TRPM8: variants seen among roughly 807,000 people sequenced by gnomAD.
The protein encoded by TRPM8 is transient receptor potential cation channel subfamily M member 8.
In TRPM8, 110 loss-of-function variants were observed where a neutral mutation model predicts 133.7. The observed-to-expected ratio is 0.82, with a 90% CI of 0.70 to 0.96. The LOEUF (loss-of-function observed/expected upper bound fraction) is 0.96, where lower values mean the gene tolerates loss of function less well. Among genes scored for constraint, TRPM8 ranks in the 40% least tolerant of loss-of-function variants. TRPM8 has a pLI of 0.00. For synonymous variants in TRPM8, 535 were observed against 532.3 expected, an observed-to-expected ratio of 1.01 and a Z score of -0.07; for missense variants, 1,291 against 1,379.5, an observed-to-expected ratio of 0.94 and a Z score of 1.02.
chr2:233,956,562 T>C (rs13024825), intron 11 of TRPM8, among the ~76,000 whole-genome samples: 16,646 of 152,212 alleles, frequency 0.11, 1,767 homozygotes, highest in African/African-American at 0.28. Flanking sequence ...TATATGTAAT[T>C]TTATACATGT....
chr2:234,000,724 G>C (rs1201748036), intron 22 of TRPM8, among the ~76,000 whole-genome samples: 1 of 151,412 alleles, frequency 6.6e-6, no homozygotes, highest in Non-Finnish European at 1.5e-5. Flanking sequence ...TGTCCCCCAG[G>C]CTGGAGTGCA....
chr2:233,956,169 A>T (rs965711087), intron 11 of TRPM8, among the ~76,000 whole-genome samples: 13 of 152,276 alleles, frequency 8.5e-5, no homozygotes, highest in African/African-American at 3.1e-4. Context: ...TCATCCCAAG[A>T]CCATCCCCCC....
At chr2:233,953,100 T>C (rs1194678463) in intron 9 of TRPM8, among the ~76,000 whole-genome samples, 1 of 152,200 alleles carries the variant, frequency 6.6e-6, no homozygotes, top group Admixed American at 6.5e-5. Context: ...CTGGGTGCTT[T>C]GAACTAAGAC....
intron 20 of TRPM8, 58 bp downstream of exon 20, chr2:233,983,282 C>A: frequency 6.2e-7 from 1 of 1,600,872 alleles, no homozygotes; most frequent in Non-Finnish European, 8.6e-7. Flanking sequence ...CTCCCTGAAC[C>A]AACCCCCAGG....
chr2:233,934,620 G>A (rs1691753010), intron 3 of TRPM8, among the ~76,000 whole-genome samples: 1 of 152,236 alleles, frequency 6.6e-6, no homozygotes, highest in African/African-American at 2.4e-5. Flanking sequence ...AGCTGCTCAT[G>A]AGGATTGCTG....
At position 233,955,260 on chromosome 2, in the gene TRPM8, A is replaced by C. The variant is rs139003916; in HGVS notation, c.1362+10A>C. 1,131 of 1,605,814 alleles carry C rather than the reference A, an allele frequency of 7.0e-4. 8 individuals are homozygous for C. The African/African-American group carries it at 0.014, about 20-fold the overall frequency. ...TGACCGCCGATGGGAGGTAAGCACGAAGCTCTCCTGGGTTATTCCAGTGTT... is the reference window on the plus strand; with the variant it reads ...TGACCGCCGATGGGAGGTAAGCACGCAGCTCTCCTGGGTTATTCCAGTGTT... On this transcript the variant is annotated intron_variant, in intron 11 of 25. Transcript: ENST00000324695.
intron 21 of TRPM8, among the ~76,000 whole-genome samples, chr2:233,995,904 C>G (rs150818472): frequency 1.5e-3 from 234 of 152,144 alleles, no homozygotes; most frequent in Middle Eastern, 3.4e-3. Context: ...TTGATAAACA[C>G]TAACAAGCTG....
At chr2:233,947,453 A>C in intron 8 of TRPM8, 1 of 1,392,826 alleles carries the variant, frequency 7.2e-7, no homozygotes, top group Non-Finnish European at 9.5e-7. Flanking sequence ...TGTAACCGGC[A>C]TATATATTAG....
intron 6 of TRPM8, among the ~76,000 whole-genome samples, chr2:233,943,698 A>AC (rs935561258): frequency 6.6e-6 from 1 of 152,194 alleles, no homozygotes; most frequent in African/African-American, 2.4e-5. Flanking sequence ...TACAAGGTAG[A>AC]CATATGGGGT....
intron 14 of TRPM8, among the ~76,000 whole-genome samples, chr2:233,966,356 C>T (rs903198691): frequency 6.6e-6 from 1 of 152,134 alleles, no homozygotes; most frequent in Non-Finnish European, 1.5e-5. Flanking sequence ...TCCCTCTGTC[C>T]AATGCAGCTC....
Position 233,947,144 on chromosome 2 carries a change from G to C in TRPM8, c.931G>C (p.Glu311Gln). The change falls in exon 8 of 26, where the codon GAG becomes CAG. Residue 311 changes from glutamate (E) to glutamine (Q), a missense_variant. By Grantham distance (29) the Glu-to-Gln change is conservative (BLOSUM62 2). This residue lies in a region of TRPM8 where 963 missense variants were observed against 968.9 expected (regional missense o/e 0.99). Coordinates refer to ENST00000324695, the MANE Select transcript of TRPM8 (RefSeq NM_024080.5). ...GTGTTTTGCCCAAGGAGGTGGAAAA[G>C]AGACTTTGAAAGTGAGTCCTGATTT... ...IVCFAQGGGKETLKAINTSIK... is the reference protein window; with the variant it reads ...IVCFAQGGGKQTLKAINTSIK... 1.1e-5 allele frequency: 17 copies of C among 1,614,120 alleles called. No homozygotes were observed. Among genetic ancestry groups the C allele is most frequent in the Non-Finnish European group, 1.4e-5 (17 of 1,179,954 alleles).
In TRPM8 at chr2:233,945,865, T is replaced by G; in HGVS notation, c.709T>G (p.Leu237Val). Reference sequence around the variant, plus strand: ...TCCCTGTACTTTTCAGGGCTATTTTTTAGCCCAGTACCTTATGGATGACTT... The same window carrying G: ...TCCCTGTACTTTTCAGGGCTATTTTGTAGCCCAGTACCTTATGGATGACTT... ...IRNCDAEGYFLAQYLMDDFTR... is the reference protein window; with the variant it reads ...IRNCDAEGYFVAQYLMDDFTR... Residue 237 changes from leucine to valine, a missense_variant, in exon 7 of 26, where the codon TTA becomes GTA. Around this residue, in one of 2 missense-constraint regions of TRPM8, gnomAD observed 963 missense variants for 968.9 expected, o/e 0.99. Coordinates refer to ENST00000324695, the MANE Select transcript of TRPM8 (RefSeq NM_024080.5). 6.2e-7 allele frequency: 1 copy of G among 1,609,830 alleles called. No individual in the cohort carries two copies. The highest frequency in any genetic ancestry group is 1.1e-5 in the South Asian group (1 of 90,420).
chr2:233,982,032 T>C (rs1692023667), intron 19 of TRPM8, 117 bp downstream of exon 19: 1 of 1,162,000 alleles, frequency 8.6e-7, no homozygotes, highest in Non-Finnish European at 1.2e-6. Flanking sequence ...ATCAGTAACA[T>C]TCGCTTTCTT....
intron 11 of TRPM8, 171 bp downstream of exon 11, chr2:233,955,421 A>G: frequency 1.8e-6 from 1 of 560,382 alleles, no homozygotes; most frequent in South Asian, 2.4e-5. Context: ...GCATGGAATC[A>G]TAACATTGAC....
At chr2:233,953,420 C>G (rs1468208428) in intron 9 of TRPM8, among the ~76,000 whole-genome samples, 1 of 152,192 alleles carries the variant, frequency 6.6e-6, no homozygotes, top group Non-Finnish European at 1.5e-5. Flanking sequence ...TTTAAAACGT[C>G]TTAAAATTAA....
chr2:233,955,499 T>G (rs1691272256), intron 11 of TRPM8: 1 of 297,578 alleles, frequency 3.4e-6, no homozygotes, highest in Non-Finnish European at 6.3e-6. Flanking sequence ...CCACATTGCC[T>G]TCAGCTGCAA....
At chr2:233,942,408 C>T (rs954194983) in intron 5 of TRPM8, among the ~76,000 whole-genome samples, 168 bp from the exon 6 acceptor site, 1 of 152,150 alleles carries the variant, frequency 6.6e-6, no homozygotes, top group Non-Finnish European at 1.5e-5. Flanking sequence ...GAACACCTCT[C>T]AGGAGAACTG....
chr2:233,953,572 G>C (rs1261632964), intron 9 of TRPM8: 1 of 166,922 alleles, frequency 6.0e-6, no homozygotes, highest in Non-Finnish European at 1.3e-5. Flanking sequence ...GGTGTCTACA[G>C]TCTTCTATTG....
chr2:233,938,603 C>A (rs546830085), intron 4 of TRPM8, among the ~76,000 whole-genome samples: 8 of 152,054 alleles, frequency 5.3e-5, no homozygotes, highest in African/African-American at 1.9e-4. Context: ...CAACTCGAAA[C>A]GAGAGGGGGC....
Sources: gnomAD v4.1 joint callset for allele counts (sites outside exome capture counted in the v4.1 genomes callset) on GRCh38, gnomAD v4.1.1 for gene constraint, gnomAD v4.1.1 regional missense constraint, MANE v1.5 for transcripts, NCBI Gene and HGNC (gene_info 2026-07-23, HGNC 2026-07-21) for gene names.